The following ETS1 variants were observed in gnomAD, a reference collection of about 807,000 sequenced individuals.
ETS1 encodes the protein ETS proto-oncogene 1, transcription factor, also known as protein C-ets-1.
ETS1 carries 15 observed loss-of-function variants against 58.6 expected under a neutral mutation model. The ratio of observed to expected loss-of-function variants is 0.26; its 90% CI spans 0.17 to 0.39. ETS1 has a LOEUF of 0.39. Among genes scored for constraint, ETS1 ranks in the 10% least tolerant of loss-of-function variants. The probability of loss-of-function intolerance (pLI) is 1.00; values close to 1 mark genes in which losing one functional copy is unlikely to be tolerated. For missense variants in ETS1, 417 were observed against 610.5 expected, an observed-to-expected ratio of 0.68 and a Z score of 3.34; for synonymous variants, 214 against 218.2, an observed-to-expected ratio of 0.98 and a Z score of 0.17.
At chr11:128,495,726 AAG>A (rs141681608) in intron 3 of ETS1, among the ~76,000 whole-genome samples, 2,020 of 152,292 alleles carry the variant, frequency 0.013, 52 homozygotes, top group African/African-American at 0.046. Context: ...ACAAAGAAAA[AAG>A]AGAGAGAGGG....
intron 3 of ETS1, among the ~76,000 whole-genome samples, chr11:128,546,983 G>T (rs1372380902): frequency 1.3e-5 from 2 of 152,146 alleles, no homozygotes; most frequent in East Asian, 3.8e-4. Flanking sequence ...TGGGGTGTTT[G>T]CAGAGATCAT....
intron 8 of ETS1, among the ~76,000 whole-genome samples, chr11:128,472,920 G>A (rs1862225581): frequency 6.6e-6 from 1 of 152,018 alleles, no homozygotes; most frequent in Admixed American, 6.6e-5. Flanking sequence ...CTGCTTTCCG[G>A]CACACTCAAA....
At chr11:128,573,505 A>G (rs1232698784) in intron 1 of ETS1, among the ~76,000 whole-genome samples, 1 of 152,172 alleles carries the variant, frequency 6.6e-6, no homozygotes, top group East Asian at 1.9e-4. Flanking sequence ...GGCCTGGCAG[A>G]TAAGTAGGCA....
At chr11:128,567,606 T>A (rs1481066204) in intron 2 of ETS1, among the ~76,000 whole-genome samples, 1 of 149,950 alleles carries the variant, frequency 6.7e-6, no homozygotes, top group Non-Finnish European at 1.5e-5. Context: ...TTTTTTGTTT[T>A]TTGGGTTTTG....
intron 3 of ETS1, among the ~76,000 whole-genome samples, chr11:128,505,690 G>A (rs570480014): frequency 6.6e-6 from 1 of 152,296 alleles, no homozygotes; most frequent in East Asian, 1.9e-4. Context: ...CCAACCAATG[G>A]GTGGCGAGCA....
chr11:128,544,338 C>T (rs1864098305), intron 3 of ETS1, among the ~76,000 whole-genome samples: 2 of 72,020 alleles, frequency 2.8e-5, no homozygotes, highest in Non-Finnish European at 2.7e-5. Context: ...TAATTGTTTA[C>T]TAATATATAT....
intron 3 of ETS1, among the ~76,000 whole-genome samples, chr11:128,522,981 C>T (rs192554615): frequency 4.6e-5 from 7 of 151,448 alleles, no homozygotes; most frequent in Non-Finnish European, 8.9e-5. Context: ...CAGAACGGGA[C>T]CCCAAACTAG....
chr11:128,500,562 G>A lies in ETS1; in HGVS notation c.215-9986C>T, dbSNP rs138675517. Among the ~76,000 whole-genome samples, 107 of 152,036 alleles carry A rather than the reference G, an allele frequency of 7.0e-4. 1 individual carries two copies. The Middle Eastern group carries it at 0.01, about 14-fold the overall frequency. On this transcript the variant is annotated intron_variant, in intron 3 of 9. Transcript: ENST00000392668. ...AAAACAAAGTGGACATTCTTCCTGC[G>A]TTCTAAGGCTTTTTTATGCAGATGT...
intron 9 of ETS1, 137 bp from the exon 10 acceptor site, chr11:128,462,713 T>A: frequency 1.5e-6 from 1 of 671,848 alleles, no homozygotes; most frequent in Non-Finnish European, 2.5e-6. Context: ...GAGATTCATG[T>A]AGATATAGAA....
At chr11:128,486,011 A>AG in intron 6 of ETS1, 58 bp downstream of exon 6, 2 of 983,020 alleles carry the variant, frequency 2.0e-6, no homozygotes, top group Non-Finnish European at 3.3e-6. Flanking sequence ...TCACTGAGAT[A>AG]GGGGTCTTTT....
intron 1 of ETS1, among the ~76,000 whole-genome samples, chr11:128,585,397 T>G (rs1159060031): frequency 6.6e-6 from 1 of 152,004 alleles, no homozygotes; most frequent in Non-Finnish European, 1.5e-5. Context: ...CATTCCCTTC[T>G]GCTGTTTGAT....
intron 4 of ETS1, among the ~76,000 whole-genome samples, chr11:128,490,071 G>A (rs1366343191): frequency 6.6e-6 from 1 of 152,232 alleles, no homozygotes; most frequent in Non-Finnish European, 1.5e-5. Context: ...TATAGCTTGA[G>A]TAGCACTGTA....
In ETS1 at chr11:128,465,700, G is replaced by A. The variant is rs540976111; in HGVS notation, c.1124-2073C>T. Among the ~76,000 whole-genome samples the A allele has an allele frequency of 4.6e-5, 7 of 152,292 alleles. No homozygotes were observed. In the South Asian group the frequency reaches 1.5e-3, roughly 32 times the overall value. Reference sequence around the variant, plus strand: ...TAAAAGAAGCCTCGGAGGAGAGGGGGTTGCCTTAGACCCTGACAGAGAAAA... The same window carrying A: ...TAAAAGAAGCCTCGGAGGAGAGGGGATTGCCTTAGACCCTGACAGAGAAAA... On this transcript the variant is annotated intron_variant, in intron 8 of 9. Transcript: ENST00000392668.
intron 3 of ETS1, among the ~76,000 whole-genome samples, chr11:128,525,556 G>C (rs1214264041): frequency 6.8e-6 from 1 of 147,388 alleles, no homozygotes; most frequent in Non-Finnish European, 1.5e-5. Flanking sequence ...GACCACTAAC[G>C]GCTGATCCAG....
chr11:128,540,392 T>C (rs1251003544), intron 3 of ETS1, among the ~76,000 whole-genome samples: 2 of 151,524 alleles, frequency 1.3e-5, no homozygotes, highest in African/African-American at 4.9e-5. Context: ...TGCACAATAC[T>C]GTAAATACAC....
chr11:128,500,271 A>C (rs576393924), intron 3 of ETS1, among the ~76,000 whole-genome samples: 3 of 152,342 alleles, frequency 2.0e-5, no homozygotes, highest in Admixed American at 2.0e-4. Context: ...CAGAACAAAG[A>C]AACAGAATGC....
chr11:128,543,010 T>TA (rs1864078426), intron 3 of ETS1, among the ~76,000 whole-genome samples: 1 of 151,786 alleles, frequency 6.6e-6, no homozygotes. Context: ...CCGTCTCTAC[T>TA]AAAAAAATAC....
At chr11:128,547,340 C>T (rs1864148053) in intron 3 of ETS1, among the ~76,000 whole-genome samples, 2 of 152,152 alleles carry the variant, frequency 1.3e-5, no homozygotes, top group African/African-American at 4.8e-5. Flanking sequence ...GCTACAGATC[C>T]TTAGAAAAAT....
intron 3 of ETS1, chr11:128,522,263 C>T: frequency 8.7e-7 from 1 of 1,150,780 alleles, no homozygotes; most frequent in Non-Finnish European, 1.1e-6. Flanking sequence ...CCGGCCCTCG[C>T]CCGCTCCCTC....
Sources: allele counts gnomAD v4.1 joint callset (sites outside exome capture counted in the v4.1 genomes callset), GRCh38; gene constraint gnomAD v4.1.1; transcripts MANE v1.5; gene names NCBI Gene and HGNC (gene_info 2026-07-23, HGNC 2026-07-21).